Variants in CMIP observed in about 807,000 individuals in gnomAD.
CMIP encodes c-Maf inducing protein.
Under a neutral mutation model 97.3 loss-of-function variants are expected in CMIP, and 13 were observed. The ratio of observed to expected loss-of-function variants is 0.13; its 90% CI spans 0.09 to 0.21. The LOEUF (loss-of-function observed/expected upper bound fraction) is 0.21, where lower values mean the gene tolerates loss of function less well. Ranked by LOEUF, CMIP falls within the 10% of genes least tolerant of loss-of-function variation. CMIP has a pLI of 1.00. For missense variants in CMIP, 847 were observed against 1,024.9 expected (o/e 0.83, Z 2.37); for synonymous variants, 538 against 436.3 (o/e 1.23, Z -2.91).
In CMIP at chr16:81,533,744, G is replaced by T. The variant is rs540590202; in HGVS notation, c.301-73823G>T. On this transcript the variant is annotated intron_variant, in intron 1 of 20. Coordinates refer to ENST00000537098, the MANE Select transcript of CMIP (RefSeq NM_198390.3). ...TCCACCTGCCTCTGCCTCCCTAAGT[G>T]CTGGGATTACAGGCATGAGCCACCG... Among the ~76,000 whole-genome samples the T allele has an allele frequency of 9.2e-5, 14 of 152,304 alleles. No homozygotes were observed. In the East Asian group the frequency reaches 2.7e-3, roughly 29 times the overall value.
intron 1 of CMIP, among the ~76,000 whole-genome samples, chr16:81,505,237 G>A (rs12920728): frequency 0.22 from 33,594 of 152,150 alleles, 4,056 homozygotes; most frequent in East Asian, 0.36. Context: ...CACAAGTCAC[G>A]TAGCCACACC....
intron 1 of CMIP, among the ~76,000 whole-genome samples, chr16:81,548,130 C>CTTTTT (rs11351275): frequency 8.9e-6 from 1 of 111,770 alleles, no homozygotes; most frequent in Non-Finnish European, 1.8e-5. Flanking sequence ...GGATGGATCA[C>CTTTTT]TTTTTTTTTT....
At chr16:81,529,532 T>G (rs1177477661) in intron 1 of CMIP, among the ~76,000 whole-genome samples, 3 of 152,176 alleles carry the variant, frequency 2.0e-5, no homozygotes, top group African/African-American at 7.2e-5. Flanking sequence ...GCCCATGTCC[T>G]ACTCCCCAGA....
Position 81,679,399 on chromosome 16 carries a change from C to G in CMIP, c.1388+771C>G, listed in dbSNP as rs117122470. On this transcript the variant is annotated intron_variant, in intron 10 of 20. Coordinates refer to ENST00000537098, the MANE Select transcript of CMIP (RefSeq NM_198390.3). ...AGGGTTAGAGAGCATGTGTGTTTCT[C>G]TGTATGTTTGCAGGTATGTGCATGA... Among the ~76,000 whole-genome samples, 18 of 152,086 alleles carry G rather than the reference C, an allele frequency of 1.2e-4. No homozygotes were observed. The East Asian group carries it at 3.5e-3, about 29-fold the overall frequency.
intron 1 of CMIP, among the ~76,000 whole-genome samples, chr16:81,561,510 C>G (rs1285578389): frequency 1.3e-5 from 2 of 152,006 alleles, no homozygotes; most frequent in African/African-American, 4.8e-5. Flanking sequence ...TTAAGAACTA[C>G]CAGGAAGCCA....
At chr16:81,576,993 A>T (rs12930698) in intron 1 of CMIP, among the ~76,000 whole-genome samples, 56,923 of 136,126 alleles carry the variant, frequency 0.42, 13,382 homozygotes, top group Non-Finnish European at 0.53. Context: ...ATCACCACCA[A>T]CATCCCCATT....
At position 81,610,252 on chromosome 16, in the gene CMIP, G is replaced by C. The variant is rs978647315; in HGVS notation, c.426+2560G>C. ...CCCGGCTGTGGCCGCGGGCCCAGCTGTGATGACTCGCCTGGCCGCCGTGTC... is the reference window on the plus strand; with the variant it reads ...CCCGGCTGTGGCCGCGGGCCCAGCTCTGATGACTCGCCTGGCCGCCGTGTC... On this transcript the variant is annotated intron_variant, in intron 2 of 20. Coordinates refer to ENST00000537098, the MANE Select transcript of CMIP (RefSeq NM_198390.3). 32 of 944,846 alleles carry C rather than the reference G, an allele frequency of 3.4e-5. No homozygotes were observed. In the African/African-American group the frequency reaches 5.3e-4, roughly 16 times the overall value. 58.5% of individuals were successfully genotyped at this position (944,846 alleles called of 1,614,324 possible). A position where few individuals can be genotyped will look rare whatever the true frequency, so the allele number is the denominator to read the frequency against.
chr16:81,601,428 G>A (rs1005134710), intron 1 of CMIP, among the ~76,000 whole-genome samples: 1 of 152,142 alleles, frequency 6.6e-6, no homozygotes, highest in African/African-American at 2.4e-5. Flanking sequence ...GGGGGGGTCA[G>A]CTCACCCCAT....
At chr16:81,679,051 A>C (rs1466222470) in intron 10 of CMIP, among the ~76,000 whole-genome samples, 1 of 152,158 alleles carries the variant, frequency 6.6e-6, no homozygotes, top group East Asian at 1.9e-4. Context: ...GGTGTGCAGG[A>C]GCACAGGGGT....
chr16:81,657,441 C>G (rs753937751), intron 4 of CMIP, among the ~76,000 whole-genome samples: 3 of 152,114 alleles, frequency 2.0e-5, no homozygotes, highest in Non-Finnish European at 4.4e-5. Context: ...AGGGCCAGAT[C>G]CTCTCCCAAT....
intron 1 of CMIP, among the ~76,000 whole-genome samples, chr16:81,565,843 G>A (rs181672885): frequency 5.3e-5 from 8 of 152,318 alleles, no homozygotes; most frequent in Non-Finnish European, 1.5e-5. Context: ...AGGATGTGCC[G>A]ACTCTCACCC....
At chr16:81,489,769 G>A (rs1329671242) in intron 1 of CMIP, among the ~76,000 whole-genome samples, 1 of 152,240 alleles carries the variant, frequency 6.6e-6, no homozygotes, top group East Asian at 1.9e-4. Flanking sequence ...GCCCAGCGAA[G>A]GGCCCTTCAC....
At chr16:81,679,193 C>G (rs143940204) in intron 10 of CMIP, among the ~76,000 whole-genome samples, 1 of 151,824 alleles carries the variant, frequency 6.6e-6, no homozygotes, top group Non-Finnish European at 1.5e-5. Flanking sequence ...CGTGGTCTGC[C>G]GAGTGTGTGT....
chr16:81,517,996 G>T, intron 1 of CMIP: 4 of 746,002 alleles, frequency 5.4e-6, no homozygotes, highest in Non-Finnish European at 6.5e-6. Flanking sequence ...TAAGTGACGG[G>T]GGTCCCTTTG....
In CMIP at chr16:81,701,701, C is replaced by T. The variant is rs189649507; in HGVS notation, c.1797C>T (p.Asn599=). 1.4e-5 allele frequency: 22 copies of T among 1,613,782 alleles called. No individual in the cohort carries two copies. Among genetic ancestry groups the T allele is most frequent in the African/African-American group, 9.3e-5 (7 of 74,922 alleles). ...TGGAATACAACATCATCGACAACAA[C>T]GACACCCAACTGCAGATCATCTCAA... The part of the protein sequence containing the change: ...LMLEYNIIDN[N]DTQLQIISTL... Residue 599 remains asparagine, a synonymous_variant, in exon 16 of 21, where the codon AAC becomes AAT. Transcript: ENST00000537098.
intron 1 of CMIP, among the ~76,000 whole-genome samples, chr16:81,601,818 C>T (rs78829544): frequency 1.3e-5 from 2 of 152,204 alleles, no homozygotes; most frequent in Non-Finnish European, 2.9e-5. Context: ...TGCGGGCACT[C>T]AGTTAGCGAG....
intron 1 of CMIP, among the ~76,000 whole-genome samples, chr16:81,557,161 C>T (rs929973387): frequency 2.0e-5 from 3 of 152,142 alleles, no homozygotes; most frequent in African/African-American, 4.8e-5. Flanking sequence ...TTCAGCTTTT[C>T]GGTAAATCCA....
chr16:81,699,824 T>A (rs1907187241), intron 15 of CMIP, 23 bp downstream of exon 15: 1 of 1,526,022 alleles, frequency 6.6e-7, no homozygotes, highest in Non-Finnish European at 9.0e-7. Flanking sequence ...TCGGGGTCCC[T>A]GGTGGGGTGG....
chr16:81,507,070 G>T (rs2089723264), intron 1 of CMIP, among the ~76,000 whole-genome samples: 1 of 152,042 alleles, frequency 6.6e-6, no homozygotes, highest in South Asian at 2.1e-4. Context: ...GGCTAACATG[G>T]TGAAACCTCA....
Sources: allele counts gnomAD v4.1 joint callset (sites outside exome capture counted in the v4.1 genomes callset), GRCh38; gene constraint gnomAD v4.1.1; transcripts MANE v1.5; gene names NCBI Gene and HGNC (gene_info 2026-07-23, HGNC 2026-07-21).